Variants in ASTN2 observed in about 807,000 individuals in gnomAD.
ASTN2 encodes astrotactin-2.
A neutral mutation model predicts 139.8 loss-of-function variants in ASTN2; 54 were observed. The observed-to-expected ratio is 0.39, with a 90% CI of 0.31 to 0.48. The LOEUF is 0.48. Ranked by LOEUF, ASTN2 falls within the 20% of genes least tolerant of loss-of-function variation. ASTN2 has a pLI of 0.95. For synonymous variants in ASTN2, 756 were observed against 719.5 expected (o/e 1.05, Z -0.81); for missense variants, 1,565 against 1,725.1 (o/e 0.91, Z 1.64).
At chr9:116,458,202 T>A (rs1051129173) in intron 20 of ASTN2, among the ~76,000 whole-genome samples, 1 of 151,516 alleles carries the variant, frequency 6.6e-6, no homozygotes, top group African/African-American at 2.4e-5. Flanking sequence ...ATAGTTGTTA[T>A]CAGAGGCTAG....
chr9:116,900,135 A>G (rs1833970983), intron 10 of ASTN2, among the ~76,000 whole-genome samples: 1 of 152,202 alleles, frequency 6.6e-6, no homozygotes, highest in Non-Finnish European at 1.5e-5. Context: ...TGCATTTATT[A>G]AACTATTTCT....
chr9:116,530,126 TATATATATATATATATATATATATAA>T (rs796523335), intron 19 of ASTN2, among the ~76,000 whole-genome samples: 16,731 of 64,070 alleles, frequency 0.26, 2,081 homozygotes, highest in Non-Finnish European at 0.32. Flanking sequence ...TATATATATA[TATATATATATATATATATATATATAA>T]AATAGAATAT....
At chr9:117,010,794 C>A (rs1218980047) in intron 6 of ASTN2, among the ~76,000 whole-genome samples, 3 of 152,180 alleles carry the variant, frequency 2.0e-5, no homozygotes, top group Non-Finnish European at 2.9e-5. Flanking sequence ...AATCCCTCAG[C>A]TGATCCCATG....
intron 14 of ASTN2, among the ~76,000 whole-genome samples, chr9:116,731,834 C>T (rs1439438229): frequency 6.6e-6 from 1 of 152,188 alleles, no homozygotes; most frequent in African/African-American, 2.4e-5. Flanking sequence ...CACAGCACCT[C>T]CTCACAGACC....
chr9:117,029,572 A>G (rs1328033489), intron 6 of ASTN2, among the ~76,000 whole-genome samples: 1 of 151,930 alleles, frequency 6.6e-6, no homozygotes, highest in Admixed American at 6.6e-5. Flanking sequence ...TCCCACCACC[A>G]CTAAGCTGGA....
intron 17 of ASTN2, among the ~76,000 whole-genome samples, chr9:116,646,722 C>A (rs942472030): frequency 6.6e-6 from 1 of 152,166 alleles, no homozygotes; most frequent in Non-Finnish European, 1.5e-5. Flanking sequence ...GAGGAAGCCG[C>A]CTACAGTCTT....
At chr9:116,941,153 T>C (rs1482918585) in intron 10 of ASTN2, among the ~76,000 whole-genome samples, 1 of 144,098 alleles carries the variant, frequency 6.9e-6, no homozygotes, top group Non-Finnish European at 1.5e-5. Flanking sequence ...GAGTGACACA[T>C]GTCTGCAGAA....
chr9:116,840,331 C>T (rs1832173724), intron 11 of ASTN2, among the ~76,000 whole-genome samples: 1 of 151,344 alleles, frequency 6.6e-6, no homozygotes, highest in Admixed American at 6.6e-5. Flanking sequence ...TCACCTTTCC[C>T]CCCTTTCTAT....
At chr9:117,030,257 A>C (rs567481532) in intron 6 of ASTN2, among the ~76,000 whole-genome samples, 2 of 152,234 alleles carry the variant, frequency 1.3e-5, no homozygotes, top group Non-Finnish European at 2.9e-5. Context: ...AGTCAATCTC[A>C]TCAAAGCTCC....
intron 20 of ASTN2, among the ~76,000 whole-genome samples, chr9:116,467,248 G>GAGAT (rs1396131272): frequency 1.0e-5 from 1 of 95,594 alleles, no homozygotes; most frequent in East Asian, 6.4e-4. Flanking sequence ...CTTGAGGAAA[G>GAGAT]AGATAGAGAG....
intron 22 of ASTN2, chr9:116,437,513 A>G (rs1847695334): frequency 2.1e-6 from 1 of 471,224 alleles, no homozygotes; most frequent in Admixed American, 2.3e-5. Context: ...TACTGAGTGG[A>G]TTGCCTGGCC....
intron 19 of ASTN2, among the ~76,000 whole-genome samples, chr9:116,498,930 T>G (rs999696348): frequency 3.9e-5 from 6 of 152,144 alleles, no homozygotes; most frequent in Admixed American, 2.6e-4. Flanking sequence ...AAAGTTGGGG[T>G]ATGAGGATGC....
chr9:116,528,860 G>C (rs745306592), intron 19 of ASTN2, among the ~76,000 whole-genome samples: 6 of 152,200 alleles, frequency 3.9e-5, no homozygotes, highest in Non-Finnish European at 8.8e-5. Context: ...ACATGATGTT[G>C]GGCCTGTGGA....
rs1831261646 is a variant in ASTN2 at position 117,414,323 on chromosome 9, T to C, written c.442+174A>G. 6.6e-6 allele frequency among the ~76,000 whole-genome samples: 1 copy of C among 152,040 alleles called. No homozygotes were observed. The highest frequency in any genetic ancestry group is 1.5e-5 in the Non-Finnish European group (1 of 67,984). The stretch of plus-strand genomic sequence containing the variant: ...CCGCCGCGCGCTCTCCAGGACCTCC[T>C]CCCACATGCTCGTTTCCAACCACCT... On this transcript the variant is annotated intron_variant, in intron 1 of 22. Transcript: ENST00000313400. The surrounding 1 kb of genome is among the most constrained non-coding windows in gnomAD (Gnocchi z 4.2).
chr9:116,868,944 G>A (rs1833084701), intron 10 of ASTN2, among the ~76,000 whole-genome samples: 1 of 152,110 alleles, frequency 6.6e-6, no homozygotes, highest in Non-Finnish European at 1.5e-5. Context: ...GTAATCCCTG[G>A]GAAGCTGAGG....
rs1587928538 is a variant in ASTN2 at position 117,302,672 on chromosome 9, T to A, written c.443-11159A>T. On this transcript the variant is annotated intron_variant, in intron 1 of 22. Coordinates refer to ENST00000313400, the MANE Select transcript of ASTN2 (RefSeq NM_001365068.1). ...CATGCATGGATTCAGACCTGACATG[T>A]AAAATGCAATGAGTCAGGAAAGCAT... 2.0e-5 allele frequency among the ~76,000 whole-genome samples: 3 copies of A among 152,136 alleles called. No homozygotes were observed. In the South Asian group the frequency reaches 6.2e-4, roughly 32 times the overall value.
chr9:116,933,426 C>T (rs1033551157), intron 10 of ASTN2, among the ~76,000 whole-genome samples: 1 of 152,018 alleles, frequency 6.6e-6, no homozygotes, highest in Non-Finnish European at 1.5e-5. Context: ...GAGTATGAGG[C>T]AGTCCCTTCC....
intron 17 of ASTN2, among the ~76,000 whole-genome samples, chr9:116,626,124 C>T (rs1475891150): frequency 1.4e-5 from 2 of 142,900 alleles, no homozygotes; most frequent in Non-Finnish European, 3.0e-5. Flanking sequence ...GGATTGCAGG[C>T]ATGTACCACC....
At chr9:116,555,080 G>A (rs1160000223) in intron 19 of ASTN2, among the ~76,000 whole-genome samples, 1 of 152,100 alleles carries the variant, frequency 6.6e-6, no homozygotes, top group Non-Finnish European at 1.5e-5. Flanking sequence ...AAATTAGTTT[G>A]TATAAAGTGA....
Sources: gnomAD v4.1 joint callset for allele counts (sites outside exome capture counted in the v4.1 genomes callset) on GRCh38, gnomAD v4.1.1 for gene constraint, Gnocchi (gnomAD v3.1) non-coding constraint, MANE v1.5 for transcripts, NCBI Gene and HGNC (gene_info 2026-07-23, HGNC 2026-07-21) for gene names.